Variants in HDAC9 observed in about 807,000 individuals in gnomAD.
HDAC9 encodes the protein histone deacetylase 9.
In HDAC9, 41 loss-of-function variants were observed where a neutral mutation model predicts 139.4. The observed-to-expected ratio is 0.29, with a 90% CI of 0.23 to 0.38. The LOEUF (loss-of-function observed/expected upper bound fraction) is 0.38, where lower values mean the gene tolerates loss of function less well. Ranked by LOEUF, HDAC9 falls within the 10% of genes least tolerant of loss-of-function variation. The probability of loss-of-function intolerance (pLI) is 1.00; values close to 1 mark genes in which losing one functional copy is unlikely to be tolerated. For missense variants in HDAC9, 1,147 were observed against 1,297.0 expected (o/e 0.88, Z 1.78); for synonymous variants, 517 against 476.2 (o/e 1.09, Z -1.12).
intron 2 of HDAC9, among the ~76,000 whole-genome samples, chr7:18,551,589 A>G (rs1306665306): frequency 1.3e-5 from 2 of 152,180 alleles, no homozygotes; most frequent in East Asian, 1.9e-4. Context: ...TCCAATTACT[A>G]AACTGTGTCT....
At chr7:18,854,478 C>T (rs545795011) in intron 21 of HDAC9, among the ~76,000 whole-genome samples, 12 of 151,974 alleles carry the variant, frequency 7.9e-5, no homozygotes, top group African/African-American at 1.7e-4. Flanking sequence ...CAGAGTCTGT[C>T]GGTGTATCTT....
chr7:18,257,756 C>T (rs920769513), intron 2 of HDAC9, among the ~76,000 whole-genome samples: 3 of 152,170 alleles, frequency 2.0e-5, no homozygotes, highest in Admixed American at 2.0e-4. Context: ...AACATCCTTA[C>T]AAGTAGATAG....
intron 1 of HDAC9, among the ~76,000 whole-genome samples, chr7:18,130,258 A>G (rs1487698181): frequency 6.6e-6 from 1 of 152,032 alleles, no homozygotes; most frequent in Non-Finnish European, 1.5e-5. Context: ...TGGATTTCAG[A>G]TTTTCAGATC....
chr7:18,452,286 T>G (rs1792943687), intron 1 of HDAC9, among the ~76,000 whole-genome samples: 1 of 152,052 alleles, frequency 6.6e-6, no homozygotes, highest in Non-Finnish European at 1.5e-5. Context: ...AAGGATAACA[T>G]AGAAGTGGCA....
At chr7:18,973,414 A>C (rs1784367887) in intron 24 of HDAC9, among the ~76,000 whole-genome samples, 1 of 152,216 alleles carries the variant, frequency 6.6e-6, no homozygotes, top group Non-Finnish European at 1.5e-5. Flanking sequence ...ACTCATTACA[A>C]TATATGTACT....
chr7:18,357,132 G>A (rs1171041233), intron 1 of HDAC9, among the ~76,000 whole-genome samples: 1 of 152,018 alleles, frequency 6.6e-6, no homozygotes, highest in Non-Finnish European at 1.5e-5. Flanking sequence ...AATCTTATAG[G>A]ATTTATTGGA....
chr7:18,836,800 C>G (rs1016325952), intron 21 of HDAC9, among the ~76,000 whole-genome samples: 2 of 152,008 alleles, frequency 1.3e-5, no homozygotes, highest in African/African-American at 4.8e-5. Flanking sequence ...GCCTCCCTTG[C>G]AAGATTTTTG....
chr7:18,507,491 CTAT>C (rs1300104838), intron 2 of HDAC9, among the ~76,000 whole-genome samples: 2 of 150,968 alleles, frequency 1.3e-5, no homozygotes, highest in African/African-American at 2.4e-5. Flanking sequence ...CCGCACCCGG[CTAT>C]TATTATTATT....
At chr7:18,429,413 C>T (rs1324235200) in intron 1 of HDAC9, 1 of 152,022 alleles carries the variant, frequency 6.6e-6, no homozygotes, top group Admixed American at 6.6e-5. Flanking sequence ...TGTTTTGTTC[C>T]TTGTTAGCTG....
intron 23 of HDAC9, among the ~76,000 whole-genome samples, chr7:18,938,496 G>C (rs1050336004): frequency 6.6e-6 from 1 of 151,482 alleles, no homozygotes; most frequent in Admixed American, 6.6e-5. Flanking sequence ...TCCGGAGCCT[G>C]AGTCAGGAGA....
intron 1 of HDAC9, among the ~76,000 whole-genome samples, chr7:18,316,633 CA>C (rs10641889): frequency 1.8e-4 from 18 of 100,280 alleles, no homozygotes; most frequent in African/African-American, 2.1e-4. Context: ...CAGATCTCTC[CA>C]AAAAAAAAAA....
chr7:18,919,254 G>C (rs1313805965), intron 22 of HDAC9, among the ~76,000 whole-genome samples: 1 of 151,872 alleles, frequency 6.6e-6, no homozygotes, highest in Non-Finnish European at 1.5e-5. Context: ...TTTTTGGAAG[G>C]TTTTCTTCAT....
At chr7:18,476,069 A>G (rs1795090769) in intron 1 of HDAC9, among the ~76,000 whole-genome samples, 1 of 152,206 alleles carries the variant, frequency 6.6e-6, no homozygotes, top group African/African-American at 2.4e-5. Flanking sequence ...TGACAAGCCA[A>G]TTTTTGGAAA....
At position 18,311,958 on chromosome 7, in the gene HDAC9, C is replaced by T. The variant is rs145826592; in HGVS notation, c.-42+21443C>T. On this transcript the variant is annotated intron_variant, in intron 1 of 3. Transcript: ENST00000413509. ...TTGCCACTGAACCACCCTCTTGGCA[C>T]TACCACGGGAAATTTATTTTAAACA... 2.0e-5 allele frequency among the ~76,000 whole-genome samples: 3 copies of T among 152,260 alleles called. No individual in the cohort carries two copies. In the East Asian group the frequency reaches 5.8e-4, roughly 29 times the overall value.
intron 12 of HDAC9, among the ~76,000 whole-genome samples, chr7:18,698,016 GAGA>G (rs1183113703): frequency 6.6e-6 from 1 of 151,998 alleles, no homozygotes; most frequent in Non-Finnish European, 1.5e-5. Context: ...GACTCACCAG[GAGA>G]AGACGCATGA....
intron 12 of HDAC9, among the ~76,000 whole-genome samples, chr7:18,677,810 A>G (rs955874349): frequency 7.2e-5 from 11 of 151,932 alleles, no homozygotes; most frequent in African/African-American, 2.4e-4. Flanking sequence ...TTGGCCTTCC[A>G]TTTTGAAGAG....
intron 25 of HDAC9, among the ~76,000 whole-genome samples, chr7:18,995,630 G>C (rs911667217): frequency 2.0e-5 from 3 of 152,178 alleles, no homozygotes; most frequent in Admixed American, 2.0e-4. Flanking sequence ...GTCTCCTCCA[G>C]AAGCTAGCTG....
chr7:18,925,025 A>G (rs1804093181), intron 22 of HDAC9, among the ~76,000 whole-genome samples: 1 of 152,118 alleles, frequency 6.6e-6, no homozygotes, highest in Admixed American at 6.6e-5. Context: ...GGGGTGATAT[A>G]TTTCCTTTTC....
intron 12 of HDAC9, among the ~76,000 whole-genome samples, chr7:18,718,601 GT>G (rs1784892945): frequency 6.6e-6 from 1 of 152,096 alleles, no homozygotes; most frequent in South Asian, 2.1e-4. Context: ...ATGTATCACT[GT>G]TTCTTTCCTT....
Sources: allele counts gnomAD v4.1 joint callset (sites outside exome capture counted in the v4.1 genomes callset), GRCh38; gene constraint gnomAD v4.1.1; transcripts MANE v1.5; gene names NCBI Gene and HGNC (gene_info 2026-07-23, HGNC 2026-07-21).